Variants in ILKAP observed in about 807,000 individuals in gnomAD.
ILKAP encodes the protein ILK associated serine/threonine phosphatase.
In ILKAP, 11 loss-of-function variants were observed where a neutral mutation model predicts 49.1. The ratio of observed to expected loss-of-function variants is 0.22; its 90% CI spans 0.14 to 0.37. The LOEUF (loss-of-function observed/expected upper bound fraction) is 0.37, where lower values mean the gene tolerates loss of function less well. ILKAP is among the 10% of genes least tolerant of loss of function. The pLI is 1.00. For synonymous variants in ILKAP, 186 were observed against 192.8 expected (o/e 0.96, Z 0.29); for missense variants, 363 against 510.8 (o/e 0.71, Z 2.79).
Position 238,182,311 on chromosome 2 carries a change from G to C in ILKAP, c.715-125C>G. 7.1e-6 allele frequency: 8 copies of C among 1,130,720 alleles called. No individual in the cohort carries two copies. The South Asian group carries it at 1.0e-4, about 14-fold the overall frequency. 70.0% of individuals were successfully genotyped at this position (1,130,720 alleles called of 1,614,324 possible). ...AGTTAACAATGGAGTTTCACATTCA[G>C]CCTCCTGCTGATAAACGTAAGTTCA... On this transcript the variant is annotated intron_variant, in intron 8 of 11. Coordinates refer to ENST00000254654, the MANE Select transcript of ILKAP (RefSeq NM_030768.3).
At chr2:238,199,110 C>G (rs1405397255) in intron 1 of ILKAP, among the ~76,000 whole-genome samples, 1 of 152,098 alleles carries the variant, frequency 6.6e-6, no homozygotes, top group African/African-American at 2.4e-5. Context: ...GTTCACATAA[C>G]CCATCAAGGC....
intron 5 of ILKAP, chr2:238,186,999 C>A (rs2106334747): frequency 6.6e-6 from 1 of 152,292 alleles, no homozygotes; most frequent in African/African-American, 2.4e-5. Flanking sequence ...TGCGAGTAAT[C>A]CTGGCACTTT....
In ILKAP at chr2:238,185,185, A is replaced by C. The variant is rs1347715438; in HGVS notation, c.528T>G (p.Pro176=). ...TGATTTAGTTCTCAGTCTCACCTTT[A>C]GGAAATTTTCTGATTAAGTTTTGAT... The part of the protein sequence containing the change: ...NLHQNLIRKF[P]KGDVISVEKT... Residue 176 remains proline, a synonymous_variant, in exon 6 of 12, where the codon CCT becomes CCG. Coordinates refer to ENST00000254654, the MANE Select transcript of ILKAP (RefSeq NM_030768.3). The C allele has an allele frequency of 6.2e-7, 1 of 1,601,226 alleles. No homozygotes were observed. The highest frequency in any genetic ancestry group is 1.3e-5 in the African/African-American group (1 of 74,668).
intron 5 of ILKAP, 180 bp from the exon 6 acceptor site, chr2:238,185,467 TTAAG>T: frequency 1.9e-6 from 1 of 521,810 alleles, no homozygotes; most frequent in East Asian, 3.0e-5. Flanking sequence ...AGACAAATAT[TTAAG>T]TAACTTTCAC....
At position 238,189,313 on chromosome 2, in the gene ILKAP, A is replaced by G. The variant is rs979761578; in HGVS notation, c.298+540T>C. Among the ~76,000 whole-genome samples the G allele has an allele frequency of 9.9e-5, 15 of 152,026 alleles. No homozygotes were observed. In the East Asian group the frequency reaches 2.7e-3, roughly 28 times the overall value. ...CGACAGAGCGAGACTCTGTCTCAAA[A>G]AAAAGAGAAAAAAAGAAAATCCCAC... On this transcript the variant is annotated intron_variant, in intron 4 of 11. Coordinates refer to ENST00000254654, the MANE Select transcript of ILKAP (RefSeq NM_030768.3).
intron 1 of ILKAP, among the ~76,000 whole-genome samples, chr2:238,201,491 C>G (rs917656665): frequency 1.3e-5 from 2 of 152,196 alleles, no homozygotes; most frequent in African/African-American, 4.8e-5. Flanking sequence ...TCAGGGTGGT[C>G]AGCAGTTTAA....
intron 1 of ILKAP, among the ~76,000 whole-genome samples, chr2:238,199,653 C>T (rs1694488766): frequency 6.6e-6 from 1 of 151,838 alleles, no homozygotes. Context: ...TATCATTTGT[C>T]CTGCAGAAAT....
chr2:238,203,641 G>C lies in ILKAP; in HGVS notation c.-88C>G. ...TCCACACCCCGGGCGGGCGGCAGCA[G>C]CGGGCGGGCGACGGGCAGGGGCGGC... is the stretch of plus-strand genomic sequence containing the variant. On this transcript the variant is annotated 5_prime_UTR_variant, in exon 1 of 12. Coordinates refer to ENST00000254654, the MANE Select transcript of ILKAP (RefSeq NM_030768.3). 1.2e-6 allele frequency: 1 copy of C among 818,244 alleles called. No individual in the cohort carries two copies. 50.7% of individuals were successfully genotyped at this position (818,244 alleles called of 1,614,324 possible). A position where few individuals can be genotyped will look rare whatever the true frequency, so the allele number is the denominator to read the frequency against.
At chr2:238,185,360 T>G (rs1429590573) in intron 5 of ILKAP, 73 bp from the exon 6 acceptor site, 2 of 988,738 alleles carry the variant, frequency 2.0e-6, no homozygotes, top group Non-Finnish European at 3.2e-6. Flanking sequence ...GCTTTTAAAT[T>G]TCGTCTCAAA....
intron 5 of ILKAP, chr2:238,187,128 C>T (rs1013096708): frequency 1.3e-5 from 2 of 152,306 alleles, no homozygotes; most frequent in Non-Finnish European, 2.9e-5. Flanking sequence ...TGGCACATGC[C>T]TATGGTCCCA....
intron 1 of ILKAP, among the ~76,000 whole-genome samples, chr2:238,201,851 C>T (rs1317894817): frequency 6.6e-6 from 1 of 152,140 alleles, no homozygotes; most frequent in Non-Finnish European, 1.5e-5. Flanking sequence ...CAGCTAAAAC[C>T]GTGGTTATTT....
chr2:238,199,771 A>C (rs1359357327), intron 1 of ILKAP, among the ~76,000 whole-genome samples: 1 of 150,982 alleles, frequency 6.6e-6, no homozygotes, highest in Non-Finnish European at 1.5e-5. Context: ...ATGTTCAAAT[A>C]TTCTTCTTTT....
At chr2:238,181,691 T>C (rs1316151569) in intron 9 of ILKAP, among the ~76,000 whole-genome samples, 4 of 151,606 alleles carry the variant, frequency 2.6e-5, no homozygotes, top group Admixed American at 6.6e-5. Flanking sequence ...GGTGCGATCT[T>C]GGCTCACTGC....
rs575331952 is a variant in ILKAP at position 238,172,512 on chromosome 2, C to A, written c.956+1022G>T. Among the ~76,000 whole-genome samples the A allele has an allele frequency of 4.7e-4, 71 of 152,294 alleles. 1 individual carries two copies. The South Asian group carries it at 0.015, about 32-fold the overall frequency. Reference sequence around the variant, plus strand: ...CAATCACACAGACCCATGACTACAACCCAGGAAGGCGAGCTAGGAAGCAAA... The same window carrying A: ...CAATCACACAGACCCATGACTACAAACCAGGAAGGCGAGCTAGGAAGCAAA... On this transcript the variant is annotated intron_variant, in intron 10 of 11. Coordinates refer to ENST00000254654, the MANE Select transcript of ILKAP (RefSeq NM_030768.3).
At chr2:238,181,910 T>C (rs574342669) in intron 9 of ILKAP, among the ~76,000 whole-genome samples, 155 bp downstream of exon 9, 8 of 152,340 alleles carry the variant, frequency 5.3e-5, no homozygotes, top group African/African-American at 1.9e-4. Context: ...AATCTACAAC[T>C]GTCATCCACC....
intron 4 of ILKAP, 73 bp downstream of exon 4, chr2:238,189,780 C>A: frequency 7.1e-7 from 1 of 1,408,874 alleles, no homozygotes; most frequent in South Asian, 1.3e-5. Flanking sequence ...TATTAGAAAG[C>A]TGAAACTGGT....
intron 6 of ILKAP, 29 bp from the exon 7 acceptor site, chr2:238,184,142 T>C (rs1275827875): frequency 8.2e-7 from 1 of 1,223,492 alleles, no homozygotes; most frequent in Admixed American, 1.7e-5. Context: ...AAGAAAACAA[T>C]CTCTCAAGGA....
chr2:238,190,124 G>T, intron 3 of ILKAP, 152 bp from the exon 4 acceptor site: 1 of 668,390 alleles, frequency 1.5e-6, no homozygotes, highest in Non-Finnish European at 2.4e-6. Context: ...TGTCTTCATG[G>T]TTGGCGGGGA....
intron 1 of ILKAP, among the ~76,000 whole-genome samples, chr2:238,202,805 G>A (rs1435465478): frequency 2.0e-5 from 3 of 151,634 alleles, no homozygotes; most frequent in African/African-American, 7.3e-5. Context: ...CAGCCCACAG[G>A]GACTCCCACT....
Sources: gnomAD v4.1 joint callset for allele counts (sites outside exome capture counted in the v4.1 genomes callset) on GRCh38, gnomAD v4.1.1 for gene constraint, MANE v1.5 for transcripts, NCBI Gene and HGNC (gene_info 2026-07-23, HGNC 2026-07-21) for gene names.